Variants in POU6F2 observed in about 807,000 individuals in gnomAD.
POU6F2 encodes the protein POU domain, class 6, transcription factor 2.
In POU6F2, 31 loss-of-function variants were observed where a neutral mutation model predicts 71.3. The ratio of observed to expected loss-of-function variants is 0.43; its 90% CI spans 0.33 to 0.59. The LOEUF (loss-of-function observed/expected upper bound fraction) is 0.59, where lower values mean the gene tolerates loss of function less well. POU6F2 is among the 20% of genes least tolerant of loss of function. The probability of loss-of-function intolerance (pLI) is 0.04; values close to 1 mark genes in which losing one functional copy is unlikely to be tolerated. For synonymous variants in POU6F2, 347 were observed against 355.7 expected (o/e 0.98, Z 0.27); for missense variants, 783 against 856.8 (o/e 0.91, Z 1.07).
At chr7:39,342,893 TAGG>T (rs1411747040) in intron 5 of POU6F2, among the ~76,000 whole-genome samples, 1 of 152,208 alleles carries the variant, frequency 6.6e-6, no homozygotes, top group Non-Finnish European at 1.5e-5. Flanking sequence ...TTAAGATAGA[TAGG>T]AGTCTAAAGT....
At chr7:39,154,885 T>C (rs1253423013) in intron 2 of POU6F2, among the ~76,000 whole-genome samples, 1 of 152,156 alleles carries the variant, frequency 6.6e-6, no homozygotes, top group East Asian at 1.9e-4. Context: ...AGTAATCCCA[T>C]GGCCCGGAAA....
intron 1 of POU6F2, among the ~76,000 whole-genome samples, chr7:39,043,595 G>A (rs759468063): frequency 4.0e-5 from 6 of 151,892 alleles, no homozygotes; most frequent in Non-Finnish European, 7.4e-5. Context: ...CTTATATAAG[G>A]TGTCACACTG....
At position 39,412,062 on chromosome 7, in the gene POU6F2, T is replaced by C. The variant is rs190290336; in HGVS notation, c.1113+5322T>C. On this transcript the variant is annotated intron_variant, in intron 6 of 9. Transcript: ENST00000518318. ...GAGAGTAGCTAAAAGAATGGACTTT[T>C]ATTGGAACCCAAACACTGTCACTTC... 4.4e-3 allele frequency among the ~76,000 whole-genome samples: 665 copies of C among 152,360 alleles called. 2 individuals are homozygous for C. The highest frequency in any genetic ancestry group is 0.01 in the Middle Eastern group (3 of 294).
At chr7:39,416,304 T>C (rs1562821804) in intron 6 of POU6F2, among the ~76,000 whole-genome samples, 1 of 152,214 alleles carries the variant, frequency 6.6e-6, no homozygotes, top group Non-Finnish European at 1.5e-5. Context: ...AGATCTCCAC[T>C]TCTTGCCAGA....
At chr7:39,147,224 T>G (rs1208131366) in intron 2 of POU6F2, among the ~76,000 whole-genome samples, 1 of 152,204 alleles carries the variant, frequency 6.6e-6, no homozygotes, top group African/African-American at 2.4e-5. Context: ...CAAAAGTAAT[T>G]GGGGTGTTTG....
chr7:39,391,442 A>T (rs893259933), intron 5 of POU6F2, among the ~76,000 whole-genome samples: 2 of 152,148 alleles, frequency 1.3e-5, no homozygotes, highest in Non-Finnish European at 2.9e-5. Flanking sequence ...GGCATAATGA[A>T]TAATAAGATG....
chr7:39,254,491 C>T (rs953579233), intron 4 of POU6F2, among the ~76,000 whole-genome samples: 2 of 152,092 alleles, frequency 1.3e-5, no homozygotes, highest in African/African-American at 4.8e-5. Flanking sequence ...TCCTGGGAAT[C>T]TAAAGATACT....
intron 4 of POU6F2, among the ~76,000 whole-genome samples, chr7:39,248,957 A>G (rs1263171744): frequency 6.6e-6 from 1 of 152,084 alleles, no homozygotes; most frequent in African/African-American, 2.4e-5. Flanking sequence ...GCTCACCCCC[A>G]AGGAGCTTTC....
chr7:39,012,811 G>C (rs1323599977), intron 1 of POU6F2, among the ~76,000 whole-genome samples: 85 of 144,504 alleles, frequency 5.9e-4, no homozygotes, highest in Middle Eastern at 3.5e-3. Flanking sequence ...GCCCCTGCTG[G>C]GGGGTGCCTC....
chr7:39,160,463 G>A (rs1792972010), intron 2 of POU6F2, among the ~76,000 whole-genome samples: 1 of 152,090 alleles, frequency 6.6e-6, no homozygotes, highest in Admixed American at 6.6e-5. Context: ...CCGCACCTAT[G>A]ATTCTCCTTG....
intron 8 of POU6F2, among the ~76,000 whole-genome samples, chr7:39,454,168 G>A (rs1346348542): frequency 6.6e-6 from 1 of 152,164 alleles, no homozygotes; most frequent in African/African-American, 2.4e-5. Context: ...GCTAGATGAA[G>A]AGGTACGCAG....
At chr7:39,321,650 AT>A (rs1785393637) in intron 4 of POU6F2, among the ~76,000 whole-genome samples, 1 of 152,198 alleles carries the variant, frequency 6.6e-6, no homozygotes, top group Non-Finnish European at 1.5e-5. Context: ...CCCAGATAGG[AT>A]GTGAATGAAG....
chr7:39,153,595 T>A (rs1162935369), intron 2 of POU6F2, among the ~76,000 whole-genome samples: 1 of 152,226 alleles, frequency 6.6e-6, no homozygotes, highest in Non-Finnish European at 1.5e-5. Context: ...ATACTACTAT[T>A]GTAGTTAACA....
intron 4 of POU6F2, among the ~76,000 whole-genome samples, chr7:39,282,101 C>A (rs1434011146): frequency 6.6e-6 from 1 of 151,948 alleles, no homozygotes; most frequent in Non-Finnish European, 1.5e-5. Flanking sequence ...CAAGAAATGT[C>A]TGTTTGGCAT....
intron 2 of POU6F2, among the ~76,000 whole-genome samples, chr7:39,103,871 C>T (rs938341658): frequency 4.6e-5 from 7 of 152,134 alleles, no homozygotes; most frequent in Non-Finnish European, 8.8e-5. Context: ...GAAGGCATCC[C>T]AGGTAGGGCA....
At chr7:39,027,515 C>T (rs1211959867) in intron 1 of POU6F2, among the ~76,000 whole-genome samples, 1 of 152,192 alleles carries the variant, frequency 6.6e-6, no homozygotes, top group Non-Finnish European at 1.5e-5. Flanking sequence ...AAGGGCTGTT[C>T]CCTTTTGGTC....
At chr7:39,000,572 C>T (rs1441250783) in intron 1 of POU6F2, among the ~76,000 whole-genome samples, 1 of 150,396 alleles carries the variant, frequency 6.6e-6, no homozygotes, top group African/African-American at 2.5e-5. Context: ...CACACCCTCC[C>T]AACTTACAAT....
At chr7:39,402,338 G>A (rs1197413983) in intron 5 of POU6F2, among the ~76,000 whole-genome samples, 2 of 152,094 alleles carry the variant, frequency 1.3e-5, no homozygotes, top group Non-Finnish European at 2.9e-5. Context: ...TTCTCATTAT[G>A]AGATGAGCAC....
At chr7:39,065,426 A>G (rs1365739690) in intron 1 of POU6F2, among the ~76,000 whole-genome samples, 4 of 151,690 alleles carry the variant, frequency 2.6e-5, no homozygotes, top group African/African-American at 4.8e-5. Context: ...CGGATAAATA[A>G]ATTCACAAAA....
Sources: allele counts gnomAD v4.1 joint callset (sites outside exome capture counted in the v4.1 genomes callset), GRCh38; gene constraint gnomAD v4.1.1; transcripts MANE v1.5; gene names NCBI Gene and HGNC (gene_info 2026-07-23, HGNC 2026-07-21).